CNTNAP5: variants seen among roughly 807,000 people sequenced by gnomAD.
CNTNAP5 encodes contactin associated protein family member 5, also known as contactin-associated protein-like 5.
CNTNAP5 carries 72 observed loss-of-function variants against 150.2 expected under a neutral mutation model. The ratio of observed to expected loss-of-function variants is 0.48; its 90% CI spans 0.40 to 0.58. The LOEUF is 0.58. CNTNAP5 is among the 20% of genes least tolerant of loss of function. The probability of loss-of-function intolerance (pLI) is 0.00; values close to 1 mark genes in which losing one functional copy is unlikely to be tolerated. For missense variants in CNTNAP5, 1,636 were observed against 1,626.2 expected, an observed-to-expected ratio of 1.01 and a Z score of -0.10; for synonymous variants, 672 against 619.8, an observed-to-expected ratio of 1.08 and a Z score of -1.25.
At chr2:124,875,178 A>G (rs561320016) in intron 21 of CNTNAP5, among the ~76,000 whole-genome samples, 2 of 152,170 alleles carry the variant, frequency 1.3e-5, no homozygotes, top group Non-Finnish European at 2.9e-5. Context: ...AGTATCATTG[A>G]ATGAAAACCC....
At chr2:124,687,738 C>T (rs1202778806) in intron 13 of CNTNAP5, among the ~76,000 whole-genome samples, 1 of 152,052 alleles carries the variant, frequency 6.6e-6, no homozygotes, top group Non-Finnish European at 1.5e-5. Context: ...AACATACTTT[C>T]TCTCAGGCAA....
intron 19 of CNTNAP5, among the ~76,000 whole-genome samples, chr2:124,857,936 A>C (rs1031606358): frequency 6.6e-6 from 1 of 152,220 alleles, no homozygotes; most frequent in South Asian, 2.1e-4. Context: ...TGGACTTAAT[A>C]AAAATAAGTA....
At chr2:124,531,507 G>A (rs751894304) in intron 10 of CNTNAP5, among the ~76,000 whole-genome samples, 1 of 152,188 alleles carries the variant, frequency 6.6e-6, no homozygotes, top group Non-Finnish European at 1.5e-5. Flanking sequence ...CTGACTCATA[G>A]GTAGGCACTG....
chr2:124,785,041 GAA>G (rs67254743), intron 17 of CNTNAP5, among the ~76,000 whole-genome samples: 5 of 123,526 alleles, frequency 4.0e-5, no homozygotes, highest in African/African-American at 1.2e-4. Flanking sequence ...TTAAGGCTGA[GAA>G]AAAAAAAAAA....
In CNTNAP5 at chr2:124,524,290, G is replaced by T. The variant is rs2104886755; in HGVS notation, c.1328-13G>T. The stretch of plus-strand genomic sequence containing the variant: ...CCATCATCTCTATGCTTACTCTCTT[G>T]TTTCTCTTGCAGGCAGCAACTTGAA... On this transcript the variant is annotated splice_polypyrimidine_tract_variant and intron_variant, in intron 8 of 23. Coordinates refer to ENST00000682447, the MANE Select transcript of CNTNAP5 (RefSeq NM_001367498.1). The T allele has an allele frequency of 1.2e-6, 2 of 1,613,552 alleles. No individual in the cohort carries two copies. The highest frequency in any genetic ancestry group is 2.2e-5 in the East Asian group (1 of 44,830).
intron 3 of CNTNAP5, among the ~76,000 whole-genome samples, chr2:124,416,936 C>CTTTTTTTTTTTTTTTTTTTT (rs70996064): frequency 1.9e-5 from 2 of 106,600 alleles, no homozygotes; most frequent in Non-Finnish European, 3.8e-5. Context: ...AGAGGGATTT[C>CTTTTTTTTTTTTTTTTTTTT]TTTTTTTTTT....
chr2:124,132,879 G>A (rs1216122236), intron 1 of CNTNAP5, among the ~76,000 whole-genome samples: 3 of 152,048 alleles, frequency 2.0e-5, no homozygotes, highest in Non-Finnish European at 4.4e-5. Flanking sequence ...CTGTACTAAT[G>A]AATTCTTCTC....
At chr2:124,183,022 A>G (rs1685245741) in intron 1 of CNTNAP5, among the ~76,000 whole-genome samples, 1 of 151,968 alleles carries the variant, frequency 6.6e-6, no homozygotes, top group South Asian at 2.1e-4. Flanking sequence ...AACATGGAAG[A>G]CCCTCCACCT....
At chr2:124,850,174 T>C (rs898548880) in intron 19 of CNTNAP5, among the ~76,000 whole-genome samples, 1 of 152,296 alleles carries the variant, frequency 6.6e-6, no homozygotes, top group East Asian at 1.9e-4. Flanking sequence ...ATATTGGTAA[T>C]AACAGTAAAA....
At chr2:124,803,539 G>A (rs941267205) in intron 19 of CNTNAP5, among the ~76,000 whole-genome samples, 2 of 152,090 alleles carry the variant, frequency 1.3e-5, no homozygotes, top group African/African-American at 4.8e-5. Flanking sequence ...ATCCAAATAT[G>A]GTTCCCAGAT....
intron 2 of CNTNAP5, among the ~76,000 whole-genome samples, chr2:124,232,595 CT>C (rs1467791527): frequency 6.6e-6 from 1 of 152,152 alleles, no homozygotes; most frequent in Non-Finnish European, 1.5e-5. Context: ...AAGACTCCTT[CT>C]TTCATGGTGA....
chr2:124,120,354 A>T (rs1558763178), intron 1 of CNTNAP5, among the ~76,000 whole-genome samples: 1 of 152,224 alleles, frequency 6.6e-6, no homozygotes, highest in Non-Finnish European at 1.5e-5. Context: ...AGCAAAGGTG[A>T]GCCAGAGAGA....
At chr2:124,177,864 T>G (rs1685106264) in intron 1 of CNTNAP5, among the ~76,000 whole-genome samples, 1 of 151,606 alleles carries the variant, frequency 6.6e-6, no homozygotes, top group Non-Finnish European at 1.5e-5. Flanking sequence ...TTTTTTTTTT[T>G]GAAACAGAGT....
intron 13 of CNTNAP5, among the ~76,000 whole-genome samples, chr2:124,722,736 C>A (rs1342221819): frequency 1.3e-5 from 2 of 152,166 alleles, no homozygotes; most frequent in East Asian, 3.9e-4. Flanking sequence ...AGCCTTGACC[C>A]CTGAGCCTGT....
intron 18 of CNTNAP5, among the ~76,000 whole-genome samples, chr2:124,797,802 T>C (rs1681878817): frequency 6.6e-6 from 1 of 152,246 alleles, no homozygotes; most frequent in African/African-American, 2.4e-5. Context: ...GGTCATTATT[T>C]TGCAGATGTA....
chr2:124,650,666 G>C (rs1558720049), intron 13 of CNTNAP5, among the ~76,000 whole-genome samples: 1 of 152,138 alleles, frequency 6.6e-6, no homozygotes, highest in East Asian at 1.9e-4. Context: ...GGTCTATGCT[G>C]GGAAGAGATT....
chr2:124,442,697 G>A (rs1360183264), intron 5 of CNTNAP5, among the ~76,000 whole-genome samples: 2 of 152,094 alleles, frequency 1.3e-5, no homozygotes, highest in African/African-American at 2.4e-5. Context: ...AAATACCTGA[G>A]TGGTGAATTT....
chr2:124,759,695 T>C (rs1680916531), intron 14 of CNTNAP5, among the ~76,000 whole-genome samples: 1 of 151,806 alleles, frequency 6.6e-6, no homozygotes, highest in East Asian at 1.9e-4. Flanking sequence ...ATAAAATAGT[T>C]TCTGAACATT....
intron 2 of CNTNAP5, among the ~76,000 whole-genome samples, chr2:124,234,982 A>T (rs1196389332): frequency 6.6e-6 from 1 of 152,162 alleles, no homozygotes; most frequent in African/African-American, 2.4e-5. Flanking sequence ...AGCTGAGCAG[A>T]GACAGGACTT....
Sources: allele counts gnomAD v4.1 joint callset (sites outside exome capture counted in the v4.1 genomes callset), GRCh38; gene constraint gnomAD v4.1.1; transcripts MANE v1.5; gene names NCBI Gene and HGNC (gene_info 2026-07-23, HGNC 2026-07-21).